The following FOCAD variants were observed in gnomAD, a reference collection of about 807,000 sequenced individuals.
FOCAD encodes the protein KIAA1797.
FOCAD carries 198 observed loss-of-function variants against 225.6 expected under a neutral mutation model. That is an observed-to-expected ratio of 0.88 (90% CI 0.78 to 0.99). The LOEUF (loss-of-function observed/expected upper bound fraction) is 0.99. Among genes scored for constraint, FOCAD ranks in the 50% least tolerant of loss-of-function variants. The pLI is 0.00. For synonymous variants in FOCAD, 897 were observed against 755.0 expected, an observed-to-expected ratio of 1.19 and a Z score of -3.08; for missense variants, 2,713 against 2,123.6, an observed-to-expected ratio of 1.28 and a Z score of -5.46.
intron 1 of FOCAD, among the ~76,000 whole-genome samples, chr9:20,711,435 G>A (rs1463030906): frequency 6.6e-6 from 1 of 152,188 alleles, no homozygotes; most frequent in Non-Finnish European, 1.5e-5. Flanking sequence ...ATTTCACAGG[G>A]AAATGATATG....
intron 1 of FOCAD, among the ~76,000 whole-genome samples, chr9:20,703,554 T>G (rs1177117357): frequency 2.6e-5 from 4 of 152,110 alleles, no homozygotes; most frequent in Admixed American, 6.6e-5. Context: ...GAATCTTATG[T>G]ATATTCTAAC....
intron 41 of FOCAD, among the ~76,000 whole-genome samples, chr9:20,989,806 C>T (rs1055118462): frequency 9.9e-5 from 15 of 152,158 alleles, no homozygotes; most frequent in Non-Finnish European, 1.6e-4. Context: ...ATGTTTGGAT[C>T]TTGATGTGAT....
intron 14 of FOCAD, among the ~76,000 whole-genome samples, chr9:20,821,998 A>C (rs1313516424): frequency 1.1e-3 from 30 of 26,998 alleles, no homozygotes; most frequent in African/African-American, 3.4e-3. Flanking sequence ...AAAGTTACTA[A>C]AAAAAAAAAA....
rs555761720 is a variant in FOCAD at position 20,890,187 on chromosome 9, C to G, written c.2625+4957C>G. 5.3e-5 allele frequency among the ~76,000 whole-genome samples: 8 copies of G among 151,918 alleles called. No homozygotes were observed. The South Asian group carries it at 1.7e-3, about 32-fold the overall frequency. ...CCTGTCAATTGTTTTTATTGCTGGA[C>G]TGCACTATCTAGGGCCATCATTACA... On this transcript the variant is annotated intron_variant, in intron 21 of 43. Coordinates refer to ENST00000338382, the MANE Select transcript of FOCAD (RefSeq NM_001375567.1).
At chr9:20,928,567 G>A (rs1374032267) in intron 26 of FOCAD, among the ~76,000 whole-genome samples, 2 of 152,032 alleles carry the variant, frequency 1.3e-5, no homozygotes, top group Non-Finnish European at 2.9e-5. Context: ...TGTATATAAC[G>A]TCTGGTAGAG....
At chr9:20,935,422 C>G (rs1404542507) in intron 28 of FOCAD, among the ~76,000 whole-genome samples, 1 of 152,104 alleles carries the variant, frequency 6.6e-6, no homozygotes, top group Non-Finnish European at 1.5e-5. Context: ...TTTATTTAGA[C>G]ATAATCTCAC....
chr9:20,748,450 A>T (rs2131720126), intron 5 of FOCAD, among the ~76,000 whole-genome samples: 1 of 152,076 alleles, frequency 6.6e-6, no homozygotes, highest in Admixed American at 6.6e-5. Context: ...AATTACATAA[A>T]AGTTTTGGAC....
Position 20,714,662 on chromosome 9 carries a change from T to G in FOCAD, c.-32-660T>G, listed in dbSNP as rs1364608953. Among the ~76,000 whole-genome samples, 634 of 140,898 alleles carry G rather than the reference T, an allele frequency of 4.5e-3. 1 individual carries two copies. The highest frequency in any genetic ancestry group is 0.016 in the African/African-American group (512 of 32,604). 92.4% of individuals were successfully genotyped at this position (140,898 alleles called of 152,430 possible). A position where few individuals can be genotyped will look rare whatever the true frequency, so the allele number is the denominator to read the frequency against. On this transcript the variant is annotated intron_variant, in intron 1 of 43. Transcript: ENST00000338382. ...TTCCTTCCTTCCTTCCTTCCTTCCT[T>G]CCTTCCTTCCTTCCTTCCTTCCTTC...
intron 35 of FOCAD, 103 bp from the exon 36 acceptor site, chr9:20,976,317 A>G (rs1386799335): frequency 1.8e-6 from 2 of 1,102,100 alleles, no homozygotes; most frequent in South Asian, 1.5e-5. Flanking sequence ...AATATGTGAT[A>G]TCAGATCCTT....
chr9:20,793,998 T>G (rs1050913269), intron 11 of FOCAD, among the ~76,000 whole-genome samples: 4 of 152,202 alleles, frequency 2.6e-5, no homozygotes, highest in African/African-American at 9.7e-5. Context: ...CTCATCATTC[T>G]TCAGCCCTTC....
intron 10 of FOCAD, among the ~76,000 whole-genome samples, chr9:20,787,541 A>G (rs1169498371): frequency 6.6e-6 from 1 of 152,204 alleles, no homozygotes; most frequent in African/African-American, 2.4e-5. Flanking sequence ...GGGAAGAAAA[A>G]TATTTTTAGA....
chr9:20,823,183 AATGTAAGATTAG>A, intron 15 of FOCAD, 68 bp downstream of exon 15: 1 of 1,486,754 alleles, frequency 6.7e-7, no homozygotes, highest in Non-Finnish European at 9.0e-7. Flanking sequence ...TGGGTACAAG[AATGTAAGATTAG>A]ATTCAAATAA....
chr9:20,970,251 T>C (rs1487113320), intron 35 of FOCAD, among the ~76,000 whole-genome samples: 1 of 152,130 alleles, frequency 6.6e-6, no homozygotes, highest in East Asian at 1.9e-4. Flanking sequence ...TTTTATTAAA[T>C]TGGAGAAGTT....
chr9:20,869,867 G>T (rs1829614464), intron 18 of FOCAD, among the ~76,000 whole-genome samples: 1 of 152,124 alleles, frequency 6.6e-6, no homozygotes, highest in Admixed American at 6.5e-5. Flanking sequence ...TCTAAAATTG[G>T]TTCCAAAATT....
intron 21 of FOCAD, among the ~76,000 whole-genome samples, chr9:20,890,385 T>A (rs868482043): frequency 1.8e-4 from 28 of 151,514 alleles, no homozygotes; most frequent in East Asian, 7.7e-4. Flanking sequence ...TTTTTTTTTT[T>A]AATCACAAAT....
chr9:20,731,674 T>G (rs956820620), intron 4 of FOCAD, among the ~76,000 whole-genome samples: 1 of 152,086 alleles, frequency 6.6e-6, no homozygotes, highest in Admixed American at 6.6e-5. Context: ...CTGGAGTGCA[T>G]TGGTGTGATC....
intron 1 of FOCAD, 76 bp downstream of exon 1, chr9:20,684,369 C>G (rs1822530270): frequency 6.6e-6 from 1 of 152,558 alleles, no homozygotes; most frequent in South Asian, 2.1e-4. Flanking sequence ...GCCTGCGGCC[C>G]GGTCGGCTTG....
chr9:20,834,403 T>C (rs1488786759), intron 15 of FOCAD, among the ~76,000 whole-genome samples: 1 of 152,026 alleles, frequency 6.6e-6, no homozygotes, highest in Non-Finnish European at 1.5e-5. Flanking sequence ...ACACGTTTAC[T>C]TACGTAGCAA....
intron 1 of FOCAD, among the ~76,000 whole-genome samples, chr9:20,690,610 G>T (rs1170386342): frequency 6.6e-6 from 1 of 152,166 alleles, no homozygotes; most frequent in South Asian, 2.1e-4. Context: ...GTGCAGTGGT[G>T]TGATCATAGC....
Sources: allele counts gnomAD v4.1 joint callset (sites outside exome capture counted in the v4.1 genomes callset), GRCh38; gene constraint gnomAD v4.1.1; transcripts MANE v1.5; gene names NCBI Gene and HGNC (gene_info 2026-07-23, HGNC 2026-07-21).